The following ITFG1 variants were observed in gnomAD, a reference collection of about 807,000 sequenced individuals.
ITFG1 encodes integrin alpha FG-GAP repeat containing 1.
In ITFG1, 34 loss-of-function variants were observed where a neutral mutation model predicts 81.8. That is an observed-to-expected ratio of 0.42 (90% CI 0.32 to 0.55). The LOEUF is 0.55. Ranked by LOEUF, ITFG1 falls within the 20% of genes least tolerant of loss-of-function variation. The pLI is 0.17. For synonymous variants in ITFG1, 285 were observed against 270.6 expected (o/e 1.05, Z -0.52); for missense variants, 672 against 755.4 (o/e 0.89, Z 1.29).
chr16:47,238,199 A>G, intron 12 of ITFG1, 191 bp from the exon 13 acceptor site: 1 of 481,454 alleles, frequency 2.1e-6, no homozygotes, highest in Non-Finnish European at 3.7e-6. Flanking sequence ...AAAAGCCTTT[A>G]TTAAACTGTC....
intron 8 of ITFG1, among the ~76,000 whole-genome samples, chr16:47,321,113 A>G (rs1967441859): frequency 6.6e-6 from 1 of 152,202 alleles, no homozygotes; most frequent in Non-Finnish European, 1.5e-5. Flanking sequence ...GCCTCCTTCC[A>G]CCATCTGGAA....
intron 12 of ITFG1, 70 bp downstream of exon 12, chr16:47,258,562 T>C (rs577819922): frequency 2.7e-6 from 2 of 752,654 alleles, no homozygotes; most frequent in South Asian, 1.5e-5. Context: ...GAGCATGTCC[T>C]TGCTCTTTGG....
chr16:47,378,374 C>T (rs538077298), intron 6 of ITFG1, among the ~76,000 whole-genome samples: 1 of 152,292 alleles, frequency 6.6e-6, no homozygotes, highest in Non-Finnish European at 1.5e-5. Context: ...GACTCTGTGA[C>T]CACATATGGT....
intron 5 of ITFG1, among the ~76,000 whole-genome samples, chr16:47,447,546 G>A (rs1969339401): frequency 6.6e-6 from 1 of 151,814 alleles, no homozygotes; most frequent in South Asian, 2.1e-4. Context: ...TATTTATTTT[G>A]AGACAGAGTT....
intron 13 of ITFG1, among the ~76,000 whole-genome samples, chr16:47,227,648 G>A (rs1965772124): frequency 1.3e-5 from 2 of 152,076 alleles, no homozygotes; most frequent in Admixed American, 1.3e-4. Context: ...CTATATTAGT[G>A]TCAATTATTT....
intron 6 of ITFG1, among the ~76,000 whole-genome samples, chr16:47,409,389 TATATATATA>T (rs1567490159): frequency 1.0e-3 from 16 of 15,524 alleles, no homozygotes; most frequent in Non-Finnish European, 1.8e-3. Context: ...TATATATATA[TATATATATA>T]TATATATTTT....
chr16:47,324,433 A>G (rs149314933), intron 8 of ITFG1, among the ~76,000 whole-genome samples: 18,010 of 152,000 alleles, frequency 0.12, 2,346 homozygotes, highest in African/African-American at 0.33. Context: ...ATCAACTAAC[A>G]AGCAAAATAG....
rs970968038 is a variant in ITFG1 at position 47,313,703 on chromosome 16, T to A, written c.897+26A>T. 3 of 1,288,760 alleles carry A rather than the reference T, an allele frequency of 2.3e-6. No individual in the cohort carries two copies. In the African/African-American group the frequency reaches 4.6e-5, roughly 20 times the overall value. 79.8% of individuals were successfully genotyped at this position (1,288,760 alleles called of 1,614,324 possible). On this transcript the variant is annotated intron_variant, in intron 9 of 17. Transcript: ENST00000320640. ...TTTTCCAAGCACATAAAAAAAAATG[T>A]TTACATTAAAAACAACTTGATATAC...
chr16:47,326,316 A>T (rs907983907), intron 8 of ITFG1, among the ~76,000 whole-genome samples: 3 of 152,210 alleles, frequency 2.0e-5, no homozygotes, highest in African/African-American at 7.2e-5. Flanking sequence ...TATTGATGGG[A>T]CGTATCTCAA....
chr16:47,445,177 G>A (rs1969308182), intron 5 of ITFG1, among the ~76,000 whole-genome samples: 1 of 134,410 alleles, frequency 7.4e-6, no homozygotes, highest in Non-Finnish European at 1.6e-5. Context: ...AATTATAAGA[G>A]ATTCCCCAGG....
rs1488188561 is a variant in ITFG1 at position 47,454,165 on chromosome 16, G to GA, written c.282-8dup. The GA allele has an allele frequency of 1.9e-6, 3 of 1,590,328 alleles. No homozygotes were observed. In the East Asian group the frequency reaches 6.7e-5, roughly 36 times the overall value. ...TATCAATGCACTGTGATTCCTAAAA[G>GA]AAACAAGCATTTACAAATATCAGAC... On this transcript the variant is annotated splice_polypyrimidine_tract_variant and splice_region_variant and intron_variant, in intron 2 of 17. Transcript: ENST00000320640.
chr16:47,286,460 T>C (rs966184780), intron 10 of ITFG1, among the ~76,000 whole-genome samples: 2 of 151,978 alleles, frequency 1.3e-5, no homozygotes, highest in African/African-American at 4.8e-5. Flanking sequence ...GCCAACATGG[T>C]GAAACCCCAT....
intron 6 of ITFG1, among the ~76,000 whole-genome samples, chr16:47,391,358 C>T (rs1361103685): frequency 1.3e-5 from 2 of 152,260 alleles, no homozygotes; most frequent in Non-Finnish European, 2.9e-5. Flanking sequence ...TCCAAGTAAA[C>T]GTATCTCTGT....
chr16:47,301,042 T>C (rs1032879972), intron 10 of ITFG1, among the ~76,000 whole-genome samples: 6 of 152,072 alleles, frequency 3.9e-5, no homozygotes, highest in African/African-American at 1.4e-4. Flanking sequence ...AGCCCAGGAG[T>C]ATAATTTTTA....
intron 8 of ITFG1, among the ~76,000 whole-genome samples, chr16:47,347,365 T>C (rs937786217): frequency 1.4e-4 from 22 of 152,206 alleles, no homozygotes; most frequent in Non-Finnish European, 1.8e-4. Context: ...GCTTTTCCAA[T>C]GGTCTTAGCA....
intron 10 of ITFG1, among the ~76,000 whole-genome samples, chr16:47,302,249 T>A (rs1967087871): frequency 1.3e-5 from 2 of 152,190 alleles, no homozygotes; most frequent in African/African-American, 4.8e-5. Context: ...ATAGTCAAAA[T>A]TTGTATTCAT....
At chr16:47,455,659 C>T (rs768042885) in intron 2 of ITFG1, among the ~76,000 whole-genome samples, 8 of 150,398 alleles carry the variant, frequency 5.3e-5, no homozygotes, top group Non-Finnish European at 8.9e-5. Flanking sequence ...ATCCCAGCTA[C>T]TTGGGAGGTT....
At chr16:47,231,902 A>G (rs1965820064) in intron 13 of ITFG1, among the ~76,000 whole-genome samples, 1 of 152,218 alleles carries the variant, frequency 6.6e-6, no homozygotes, top group African/African-American at 2.4e-5. Flanking sequence ...TGGGTAGAGT[A>G]TCTTGCAATA....
intron 7 of ITFG1, among the ~76,000 whole-genome samples, chr16:47,373,836 T>C (rs1968290295): frequency 6.6e-6 from 1 of 152,244 alleles, no homozygotes; most frequent in Non-Finnish European, 1.5e-5. Flanking sequence ...TGTGGTTTTA[T>C]AGGTTTTGAG....
Sources: allele counts gnomAD v4.1 joint callset (sites outside exome capture counted in the v4.1 genomes callset), GRCh38; gene constraint gnomAD v4.1.1; transcripts MANE v1.5; gene names NCBI Gene and HGNC (gene_info 2026-07-23, HGNC 2026-07-21).